Variants in RSPH1 observed in about 807,000 individuals in gnomAD.
RSPH1 encodes the protein radial spoke head component 1, also known as radial spoke head 1 homolog.
Under a neutral mutation model 44.2 loss-of-function variants are expected in RSPH1, and 32 were observed. The observed-to-expected ratio is 0.72, with a 90% CI of 0.55 to 0.97. The LOEUF (loss-of-function observed/expected upper bound fraction) is 0.97, where lower values mean the gene tolerates loss of function less well. RSPH1 is among the 50% of genes least tolerant of loss of function. RSPH1 has a pLI of 0.00. For missense variants in RSPH1, 391 were observed against 398.7 expected (o/e 0.98, Z 0.16); for synonymous variants, 134 against 147.3 (o/e 0.91, Z 0.65).
At chr21:42,476,625 A>AGG (rs901947200) in intron 7 of RSPH1, among the ~76,000 whole-genome samples, 8 of 152,126 alleles carry the variant, frequency 5.3e-5, no homozygotes, top group Admixed American at 5.2e-4. Flanking sequence ...TCTTCAGGGA[A>AGG]GGGCTGTCCC....
Position 42,475,983 on chromosome 21 carries a change from CAT to C in RSPH1, c.790_791del (p.Met264GlufsTer5). The C allele has an allele frequency of 6.2e-7, 1 of 1,613,286 alleles. No individual in the cohort carries two copies. Among genetic ancestry groups the C allele is most frequent in the Non-Finnish European group, 8.5e-7 (1 of 1,179,854 alleles). On this transcript the variant is annotated frameshift_variant, in exon 8 of 9. Coordinates refer to ENST00000291536, the MANE Select transcript of RSPH1 (RefSeq NM_080860.4). LOFTEE classifies it high-confidence loss of function. ...LLEGFEGEMD[M>X]RPGDEDADVL... ...CGTCTGCATCTTCATCTCCAGGCCT[CAT>C]GTCCATCTCACCCTCGAAGCCCTCC...
At chr21:42,486,190 G>T in intron 4 of RSPH1, 181 bp downstream of exon 4, 1 of 606,890 alleles carries the variant, frequency 1.6e-6, no homozygotes, top group Non-Finnish European at 3.0e-6. Context: ...AGATACTTGA[G>T]TCTACACTTG....
intron 2 of RSPH1, 46 bp downstream of exon 2, chr21:42,492,918 CAG>C: frequency 1.3e-6 from 2 of 1,588,072 alleles, no homozygotes; most frequent in Non-Finnish European, 1.7e-6. Flanking sequence ...CATTTGCTAA[CAG>C]AGTATTAAAT....
chr21:42,495,522 C>T (rs571392253), intron 1 of RSPH1, among the ~76,000 whole-genome samples: 1 of 152,340 alleles, frequency 6.6e-6, no homozygotes, highest in East Asian at 1.9e-4. Context: ...AGCTCACAGG[C>T]TGGATGTGCC....
chr21:42,472,889 C>G lies in RSPH1; in HGVS notation c.878-19G>C. 1 of 1,538,414 alleles carries G rather than the reference C, an allele frequency of 6.5e-7. No individual in the cohort carries two copies. Among genetic ancestry groups the G allele is most frequent in the Non-Finnish European group, 9.0e-7 (1 of 1,112,068 alleles). On this transcript the variant is annotated intron_variant, in intron 8 of 8. Coordinates refer to ENST00000291536, the MANE Select transcript of RSPH1 (RefSeq NM_080860.4). ...ATGTTTCCTGAAAAGAAAAGAGAAA[C>G]ATGAGTATATCTCATATTTACTTTG...
At chr21:42,486,305 A>G in intron 4 of RSPH1, 66 bp downstream of exon 4, 1 of 1,168,146 alleles carries the variant, frequency 8.6e-7, no homozygotes, top group Non-Finnish European at 1.3e-6. Context: ...AAGTGTAAAC[A>G]ATCTGCAGAC....
chr21:42,485,718 T>C lies in RSPH1; in HGVS notation c.452A>G (p.Glu151Gly). The C allele has an allele frequency of 6.2e-7, 1 of 1,614,228 alleles. No individual in the cohort carries two copies. Among genetic ancestry groups the C allele is most frequent in the Non-Finnish European group, 8.5e-7 (1 of 1,180,042 alleles). Reference protein sequence around the residue: ...WVNGQQEGTAELIHLNHRYQG... With the variant: ...WVNGQQEGTAGLIHLNHRYQG... ...GTACCTGTGGTTCAGGTGAATGAGC[T>C]CGGCCGTGCCCTCCTGCTGTCCGTT... The change falls in exon 5 of 9, where the codon GAG becomes GGG. Residue 151 changes from glutamate to glycine, a missense_variant. Physicochemically the swap from Glu to Gly is moderately conservative, Grantham distance 98. Transcript: ENST00000291536.
rs116665585 is a variant in RSPH1 at position 42,474,789 on chromosome 21, C to T, written c.877+1109G>A. The stretch of plus-strand genomic sequence containing the variant: ...CAGCGCTCAGGGGAATTACCGATCA[C>T]GAAAGTCTATGCCAGCGCTCAGGGG... On this transcript the variant is annotated intron_variant, in intron 8 of 8. Transcript: ENST00000291536. The surrounding 1 kb of genome is among the most constrained non-coding windows in gnomAD (Gnocchi z 5.2). 2.3e-4 allele frequency among the ~76,000 whole-genome samples: 34 copies of T among 148,100 alleles called. No homozygotes were observed. Among genetic ancestry groups the T allele is most frequent in the African/African-American group, 6.9e-4 (26 of 37,750 alleles).
intron 7 of RSPH1, 34 bp downstream of exon 7, chr21:42,477,257 C>G (rs751394552): frequency 6.5e-7 from 1 of 1,540,160 alleles, no homozygotes; most frequent in South Asian, 1.1e-5. Context: ...CACCCTCTGC[C>G]CCCTCCACCC....
chr21:42,484,302 C>T (rs933213733), intron 5 of RSPH1, among the ~76,000 whole-genome samples: 1 of 152,180 alleles, frequency 6.6e-6, no homozygotes, highest in African/African-American at 2.4e-5. Context: ...AAACTGACAC[C>T]ACTTTTTAGG....
At position 42,479,804 on chromosome 21, in the gene RSPH1, C is replaced by T. The variant is rs966396033; in HGVS notation, c.574-2360G>A. Among the ~76,000 whole-genome samples the T allele has an allele frequency of 2.4e-4, 37 of 151,992 alleles. 1 individual carries two copies. Among genetic ancestry groups the T allele is most frequent in the Non-Finnish European group, 4.4e-5 (3 of 68,012 alleles). ...CGGGGGAGGACAGTATGTCAAATTC[C>T]TCTACGTTTTGTTAGATGCAGGTGA... On this transcript the variant is annotated intron_variant, in intron 6 of 8. Coordinates refer to ENST00000291536, the MANE Select transcript of RSPH1 (RefSeq NM_080860.4).
intron 4 of RSPH1, chr21:42,486,087 T>A: frequency 1.7e-6 from 1 of 575,342 alleles, no homozygotes; most frequent in Non-Finnish European, 3.1e-6. Flanking sequence ...GAGCTGTGGC[T>A]CAGGTCCCCC....
chr21:42,476,586 G>T (rs1425822656), intron 7 of RSPH1, among the ~76,000 whole-genome samples: 1 of 152,100 alleles, frequency 6.6e-6, no homozygotes, highest in African/African-American at 2.4e-5. Flanking sequence ...AGACCACTGG[G>T]TTGGACATGG....
chr21:42,482,612 A>C, intron 6 of RSPH1, 25 bp downstream of exon 6: 1 of 1,573,030 alleles, frequency 6.4e-7, no homozygotes, highest in East Asian at 2.2e-5. Flanking sequence ...TAATGTAACA[A>C]AACCCTACAT....
At position 42,486,605 on chromosome 21, in the gene RSPH1, G is replaced by C. The variant is rs557369149; in HGVS notation, c.275-144C>G. ...TGCACACACAGGCCCCTTCTGCTCA[G>C]GAAATCCTGCAGAAGAGAGATTTTT... On this transcript the variant is annotated intron_variant, in intron 3 of 8. Transcript: ENST00000291536. The C allele has an allele frequency of 1.0e-4, 66 of 638,734 alleles. No homozygotes were observed. The African/African-American group carries it at 1.1e-3, about 10-fold the overall frequency. 39.6% of individuals were successfully genotyped at this position (638,734 alleles called of 1,614,324 possible). A position where few individuals can be genotyped will look rare whatever the true frequency, so the allele number is the denominator to read the frequency against.
At chr21:42,493,148 G>A in intron 1 of RSPH1, 69 bp from the exon 2 acceptor site, 1 of 1,278,668 alleles carries the variant, frequency 7.8e-7, no homozygotes, top group Non-Finnish European at 1.1e-6. Context: ...TAAGCATTTT[G>A]TAAATATCAT....
Position 42,477,413 on chromosome 21 carries a change from A to G in RSPH1, c.605T>C (p.Leu202Ser). Reference protein sequence around the residue: ...ERGEEEEEEELVTVVPKWKAT... With the variant: ...ERGEEEEEEESVTVVPKWKAT... ...TTTCCATTTTGGAACAACAGTTACT[A>G]ATTCTTCCTCCTCTTCCTCTTCTCC... Residue 202 changes from leucine (L) to serine (S), a missense_variant, in exon 7 of 9, where the codon TTA becomes TCA. Leu to Ser is a moderately radical substitution (Grantham distance 145, BLOSUM62 -2). Transcript: ENST00000291536. The G allele has an allele frequency of 3.1e-6, 5 of 1,614,098 alleles. No homozygotes were observed. Among genetic ancestry groups the G allele is most frequent in the Non-Finnish European group, 4.2e-6 (5 of 1,179,946 alleles).
chr21:42,496,154 C>T lies in RSPH1; in HGVS notation c.33G>A (p.Glu11=), dbSNP rs750259704. The change falls in exon 1 of 9, where the codon GAG becomes GAA. Residue 11 remains glutamate, a synonymous_variant. Coordinates refer to ENST00000291536, the MANE Select transcript of RSPH1 (RefSeq NM_080860.4). The part of the protein sequence containing the change: MSDLGSEELE[E]EGENDIGEYE... ...TCACCCCAATATCATTCTCTCCCTC[C>T]TCCTCCAACTCCTCCGAGCCCAGGT... 1.9e-6 allele frequency: 3 copies of T among 1,614,188 alleles called. No homozygotes were observed. The highest frequency in any genetic ancestry group is 2.5e-6 in the Non-Finnish European group (3 of 1,180,014).
chr21:42,495,583 G>C lies in RSPH1; in HGVS notation c.54+550C>G, dbSNP rs76946639. On this transcript the variant is annotated intron_variant, in intron 1 of 8. Coordinates refer to ENST00000291536, the MANE Select transcript of RSPH1 (RefSeq NM_080860.4). ...TCAGGAAATAACTCCAAAGACCTGG[G>C]TCAGTTCAGATGGGGACTGAAGAAA... 4.8e-3 allele frequency among the ~76,000 whole-genome samples: 735 copies of C among 152,290 alleles called. 7 individuals carry two copies. Among genetic ancestry groups the C allele is most frequent in the African/African-American group, 0.017 (695 of 41,552 alleles).
Sources: gnomAD v4.1 joint callset for allele counts (sites outside exome capture counted in the v4.1 genomes callset) on GRCh38, gnomAD v4.1.1 for gene constraint, Gnocchi (gnomAD v3.1) non-coding constraint, MANE v1.5 for transcripts, NCBI Gene and HGNC (gene_info 2026-07-23, HGNC 2026-07-21) for gene names.